Variants in TBC1D21 observed in about 807,000 individuals in gnomAD.
TBC1D21 encodes the protein male germ cell Rab GTPase-activating protein.
Under a neutral mutation model 46.0 loss-of-function variants are expected in TBC1D21, and 38 were observed. The ratio of observed to expected loss-of-function variants is 0.83; its 90% CI spans 0.64 to 1.08. The LOEUF (loss-of-function observed/expected upper bound fraction) is 1.08. TBC1D21 is among the 50% of genes least tolerant of loss of function. The pLI, the probability that TBC1D21 is intolerant of heterozygous loss-of-function variation, is 0.00. For missense variants in TBC1D21, 415 were observed against 417.9 expected (o/e 0.99, Z 0.06); for synonymous variants, 151 against 157.2 (o/e 0.96, Z 0.29).
intron 1 of TBC1D21, among the ~76,000 whole-genome samples, chr15:73,874,196 C>T (rs963530985): frequency 3.9e-5 from 6 of 152,168 alleles, no homozygotes; most frequent in Admixed American, 2.6e-4. Context: ...ATTTTCCACA[C>T]GGTATTTTTT....
At chr15:73,890,991 C>A (rs1386554164), downstream of TBC1D21, among the ~76,000 whole-genome samples, 1 of 152,160 alleles carries the variant, frequency 6.6e-6, no homozygotes, top group African/African-American at 2.4e-5. Context: ...TGGATTCAAT[C>A]TTGACACCAA....
chr15:73,889,013 G>A (rs569071160), intron 10 of TBC1D21, 56 bp from the exon 11 acceptor site: 12 of 1,604,652 alleles, frequency 7.5e-6, no homozygotes, highest in African/African-American at 2.7e-5. Flanking sequence ...TAGAAGAACC[G>A]AAGAATGAAA....
At chr15:73,903,530 C>T in the TBC1D21 span, among the ~76,000 whole-genome samples, 1 of 152,216 alleles carries the variant, frequency 6.6e-6, no homozygotes, top group Non-Finnish European at 1.5e-5. Flanking sequence ...CTTCCCTACT[C>T]CCTCACATGC....
intron 10 of TBC1D21, 25 bp from the exon 11 acceptor site, chr15:73,889,044 C>T: frequency 6.2e-7 from 1 of 1,612,810 alleles, no homozygotes; most frequent in Non-Finnish European, 8.5e-7. Flanking sequence ...AATGTCTGTG[C>T]ACCTCCCACC....
downstream of TBC1D21, among the ~76,000 whole-genome samples, chr15:73,891,434 G>A (rs2068335606): frequency 2.6e-5 from 4 of 152,198 alleles, 1 homozygote; most frequent in Admixed American, 2.6e-4. Flanking sequence ...CTGCAGTGGG[G>A]GAGGCGCAGT....
At chr15:73,888,261 A>G (rs1281695510) in intron 9 of TBC1D21, among the ~76,000 whole-genome samples, 169 bp from the exon 10 acceptor site, 1 of 152,134 alleles carries the variant, frequency 6.6e-6, no homozygotes, top group Non-Finnish European at 1.5e-5. Context: ...CAAAATATCA[A>G]ATTTTAGGCA....
chr15:73,898,272 C>T, the TBC1D21 span, among the ~76,000 whole-genome samples: 2 of 152,210 alleles, frequency 1.3e-5, no homozygotes, highest in African/African-American at 4.8e-5. Flanking sequence ...GGCCACAGGG[C>T]AGGTCATTAG....
chr15:73,907,572 G>A, the TBC1D21 span, among the ~76,000 whole-genome samples: 4 of 152,168 alleles, frequency 2.6e-5, no homozygotes, highest in Admixed American at 2.6e-4. Context: ...AGGCTAATGT[G>A]AGTTGGGCTT....
At chr15:73,889,231 C>T (rs1184815772), downstream of TBC1D21, 7 of 1,156,542 alleles carry the variant, frequency 6.1e-6, no homozygotes, top group Non-Finnish European at 8.8e-6. Context: ...GTGGTGGATG[C>T]TATGTCTTTG....
chr15:73,881,341 C>A, intron 1 of TBC1D21, 58 bp from the exon 2 acceptor site: 2 of 1,303,272 alleles, frequency 1.5e-6, no homozygotes, highest in Non-Finnish European at 2.2e-6. Context: ...TATTTAAAAT[C>A]ACACTTAAAA....
At position 73,884,845 on chromosome 15, in the gene TBC1D21, G is replaced by A; in HGVS notation, c.432G>A (p.Arg144=). Residue 144 remains arginine (R), a synonymous_variant, in exon 5 of 11, where the codon AGG becomes AGA. Coordinates refer to ENST00000300504, the MANE Select transcript of TBC1D21 (RefSeq NM_153356.3). ...PLGNVLIDKK[R]LEKILLLSYV... ...GCAACGTCCTCATCGACAAGAAGAG[G>A]CTAGAGAAGATCCTGCTCCTGAGTT... 4 of 1,614,110 alleles carry A rather than the reference G, an allele frequency of 2.5e-6. No homozygotes were observed. Among genetic ancestry groups the A allele is most frequent in the Non-Finnish European group, 8.5e-7 (1 of 1,180,000 alleles).
At chr15:73,901,178 C>T in the TBC1D21 span, among the ~76,000 whole-genome samples, 35 of 152,178 alleles carry the variant, frequency 2.3e-4, no homozygotes, top group Admixed American at 3.9e-4. Context: ...TGAGCATGGC[C>T]GAGGGCTCAA....
chr15:73,909,427 G>A, the TBC1D21 span, among the ~76,000 whole-genome samples: 8 of 152,180 alleles, frequency 5.3e-5, no homozygotes, highest in African/African-American at 1.9e-4. Flanking sequence ...CATAATAAAT[G>A]CTAGCTACTA....
rs2068314036 is a variant in TBC1D21, at chr15:73,889,117, C to T, written c.*16C>T. 6.2e-7 allele frequency: 1 copy of T among 1,611,780 alleles called. No individual in the cohort carries two copies. The highest frequency in any genetic ancestry group is 2.2e-5 in the East Asian group (1 of 44,890). On this transcript the variant is annotated 3_prime_UTR_variant, in exon 11 of 11. Coordinates refer to ENST00000300504, the MANE Select transcript of TBC1D21 (RefSeq NM_153356.3). Reference sequence around the variant, plus strand: ...CTTCCTCTGAGGACACCAAAGCCCGCAGTGGACTGATGCCTTCGATGGGCA... The same window carrying T: ...CTTCCTCTGAGGACACCAAAGCCCGTAGTGGACTGATGCCTTCGATGGGCA...
At chr15:73,878,397 A>C (rs1567063498) in intron 1 of TBC1D21, among the ~76,000 whole-genome samples, 1 of 152,236 alleles carries the variant, frequency 6.6e-6, no homozygotes. Context: ...ATCCCATGGA[A>C]TCCACAAGAA....
intron 8 of TBC1D21, among the ~76,000 whole-genome samples, chr15:73,887,124 A>T (rs1363525368): frequency 6.6e-6 from 1 of 152,040 alleles, no homozygotes; most frequent in Non-Finnish European, 1.5e-5. Flanking sequence ...GCCCATGGCC[A>T]CCGCTGCCTG....
At chr15:73,904,421 A>T in the TBC1D21 span, among the ~76,000 whole-genome samples, 1 of 152,248 alleles carries the variant, frequency 6.6e-6, no homozygotes, top group Non-Finnish European at 1.5e-5. Flanking sequence ...TTCTGCATTC[A>T]GTGGCATTAT....
intron 10 of TBC1D21, 69 bp downstream of exon 10, chr15:73,888,582 T>TTCC (rs765267990): frequency 1.3e-4 from 111 of 823,912 alleles, no homozygotes; most frequent in African/African-American, 3.3e-4. Context: ...CCTCCTCCTC[T>TTCC]TCCTCCTCCT....
At chr15:73,899,123 T>C in the TBC1D21 span, among the ~76,000 whole-genome samples, 3 of 152,024 alleles carry the variant, frequency 2.0e-5, no homozygotes, top group Admixed American at 6.6e-5. Flanking sequence ...AATTGTTAGC[T>C]CCTGGTACCA....
Sources: gnomAD v4.1 joint callset for allele counts (sites outside exome capture counted in the v4.1 genomes callset) on GRCh38, gnomAD v4.1.1 for gene constraint, MANE v1.5 for transcripts, NCBI Gene and HGNC (gene_info 2026-07-23, HGNC 2026-07-21) for gene names.